Variants in CBLB observed in about 807,000 individuals in gnomAD.
CBLB encodes the protein E3 ubiquitin-protein ligase CBL-B.
A neutral mutation model predicts 104.9 loss-of-function variants in CBLB; 31 were observed. The ratio of observed to expected loss-of-function variants is 0.30; its 90% confidence interval spans 0.22 to 0.40. The LOEUF (loss-of-function observed/expected upper bound fraction) is 0.40. Ranked by LOEUF, CBLB falls within the 10% of genes least tolerant of loss-of-function variation. The probability of loss-of-function intolerance (pLI) is 1.00; values close to 1 mark genes in which losing one functional copy is unlikely to be tolerated. For synonymous variants in CBLB, 440 were observed against 422.6 expected, an observed-to-expected ratio of 1.04 and a Z score of -0.51; for missense variants, 1,062 against 1,214.6, an observed-to-expected ratio of 0.87 and a Z score of 1.87.
chr3:105,672,773 G>A (rs1213750532), intron 17 of CBLB: 1 of 152,012 alleles, frequency 6.6e-6, no homozygotes, highest in Non-Finnish European at 1.5e-5. Context: ...GTACTTATTT[G>A]AGAGATTATA....
At chr3:105,788,508 T>C (rs1247394231) in intron 3 of CBLB, among the ~76,000 whole-genome samples, 2 of 152,188 alleles carry the variant, frequency 1.3e-5, no homozygotes, top group East Asian at 3.8e-4. Flanking sequence ...TTGAGCTACA[T>C]TCAAAGCTGT....
At chr3:105,782,737 T>C (rs1325586488) in intron 3 of CBLB, among the ~76,000 whole-genome samples, 3 of 152,038 alleles carry the variant, frequency 2.0e-5, no homozygotes, top group African/African-American at 7.2e-5. Flanking sequence ...CACACCTGGC[T>C]AATTTTTGTA....
intron 1 of CBLB, 105 bp from the exon 2 acceptor site, chr3:105,867,696 T>C (rs2092506067): frequency 2.6e-5 from 24 of 939,612 alleles, no homozygotes; most frequent in Non-Finnish European, 3.5e-5. Flanking sequence ...CCTCCATCGA[T>C]TAGAGCAAAA....
intron 4 of CBLB, among the ~76,000 whole-genome samples, chr3:105,753,376 TAAAA>T (rs35630648): frequency 3.3e-4 from 50 of 151,036 alleles, no homozygotes; most frequent in Non-Finnish European, 5.2e-4. Context: ...CTGTTTTTTT[TAAAA>T]AAAAAAGGAA....
chr3:105,864,316 C>T (rs574600920), intron 2 of CBLB, among the ~76,000 whole-genome samples: 1 of 152,216 alleles, frequency 6.6e-6, no homozygotes, highest in South Asian at 2.1e-4. Context: ...TCCCCAGTAA[C>T]GAGCACTCAG....
chr3:105,804,234 T>C lies in CBLB; in HGVS notation c.420-27692A>G, dbSNP rs376665946. Among the ~76,000 whole-genome samples, 20 of 152,204 alleles carry C rather than the reference T, an allele frequency of 1.3e-4. No homozygotes were observed. The East Asian group carries it at 2.1e-3, about 16-fold the overall frequency. On this transcript the variant is annotated intron_variant, in intron 3 of 18. Transcript: ENST00000394030. ...CTGAATTTCAAATAGTTTAAAAAAATGTAAAGCCGGGCGTGGTGGCTCATG... is the reference window on the plus strand; with the variant it reads ...CTGAATTTCAAATAGTTTAAAAAAACGTAAAGCCGGGCGTGGTGGCTCATG...
Position 105,656,852 on chromosome 3 carries a change from G to A in CBLB, c.*2118C>T. On this transcript the variant is annotated 3_prime_UTR_variant, in exon 19 of 19. Transcript: ENST00000394030. ...ACCTATCATCAGCAATCATAAAAAG[G>A]CCAAAATAAACAGTGCTATTCCAAG... 1 of 207,616 alleles carries A rather than the reference G, an allele frequency of 4.8e-6. No individual in the cohort carries two copies. Among genetic ancestry groups the A allele is most frequent in the Admixed American group, 6.0e-5 (1 of 16,804 alleles). 12.9% of individuals were successfully genotyped at this position (207,616 alleles called of 1,614,324 possible). A position where few individuals can be genotyped will look rare whatever the true frequency, so the allele number is the denominator to read the frequency against.
In CBLB at chr3:105,678,471, G is replaced by GA; in HGVS notation, c.2528_2529insT (p.Arg844ProfsTer18). 6.2e-7 allele frequency: 1 copy of GA among 1,614,010 alleles called. No homozygotes were observed. The highest frequency in any genetic ancestry group is 8.5e-7 in the Non-Finnish European group (1 of 1,179,920). On this transcript the variant is annotated frameshift_variant, in exon 17 of 19. Coordinates refer to ENST00000394030, the MANE Select transcript of CBLB (RefSeq NM_170662.5). LOFTEE classifies it high-confidence loss of function. The stretch of plus-strand genomic sequence containing the variant: ...AAAGATCCTGTCCTGAGGATGGCCG[G>GA]CTACTGGAGCCAGGAGGTTTTGAAT...
chr3:105,788,592 C>G (rs1173877255), intron 3 of CBLB, among the ~76,000 whole-genome samples: 1 of 152,180 alleles, frequency 6.6e-6, no homozygotes, highest in Non-Finnish European at 1.5e-5. Flanking sequence ...ACCTCGGACA[C>G]TGACTTAACC....
intron 3 of CBLB, among the ~76,000 whole-genome samples, chr3:105,802,331 T>G (rs112002763): frequency 2.7e-4 from 41 of 152,332 alleles, no homozygotes; most frequent in African/African-American, 9.4e-4. Context: ...CTTGGCCTTA[T>G]GCAAAATCGC....
chr3:105,760,892 T>C lies in CBLB; in HGVS notation c.567-9274A>G, dbSNP rs142547174. On this transcript the variant is annotated intron_variant, in intron 4 of 18. Transcript: ENST00000394030. ...TAAAGATTAACAAAACAAAAACAAATCTATACAAGAAAAACAACTACTGCA... is the reference window on the plus strand; with the variant it reads ...TAAAGATTAACAAAACAAAAACAAACCTATACAAGAAAAACAACTACTGCA... Among the ~76,000 whole-genome samples the C allele has an allele frequency of 5.3e-5, 8 of 152,250 alleles. No individual in the cohort carries two copies. The East Asian group carries it at 1.5e-3, about 29-fold the overall frequency.
At chr3:105,840,010 TTA>T (rs1305396598) in intron 3 of CBLB, among the ~76,000 whole-genome samples, 1 of 152,164 alleles carries the variant, frequency 6.6e-6, no homozygotes, top group African/African-American at 2.4e-5. Context: ...ATGGAAATCT[TTA>T]GTTAAATGAA....
At chr3:105,741,740 C>G (rs1456247224) in intron 6 of CBLB, among the ~76,000 whole-genome samples, 12 of 152,022 alleles carry the variant, frequency 7.9e-5, no homozygotes, top group Non-Finnish European at 1.2e-4. Context: ...AGGATGGTCT[C>G]GATATCCTGA....
chr3:105,754,541 G>GAGAGAGAC (rs2076903971), intron 4 of CBLB, among the ~76,000 whole-genome samples: 1 of 140,920 alleles, frequency 7.1e-6, no homozygotes, highest in Non-Finnish European at 1.5e-5. Context: ...GAGAGAGAGA[G>GAGAGAGAC]AGAGAGAGAG....
At chr3:105,812,398 A>G (rs1217409181) in intron 3 of CBLB, among the ~76,000 whole-genome samples, 1 of 152,222 alleles carries the variant, frequency 6.6e-6, no homozygotes, top group Admixed American at 6.5e-5. Flanking sequence ...TAAAGGAAGG[A>G]ATAAAACTAA....
chr3:105,820,664 C>A (rs1162080623), intron 3 of CBLB, among the ~76,000 whole-genome samples: 1 of 152,036 alleles, frequency 6.6e-6, no homozygotes, highest in Non-Finnish European at 1.5e-5. Context: ...TAATTTTACA[C>A]AAACACCAGA....
At chr3:105,824,420 AG>A (rs1283128193) in intron 3 of CBLB, among the ~76,000 whole-genome samples, 3 of 152,128 alleles carry the variant, frequency 2.0e-5, no homozygotes, top group Admixed American at 2.0e-4. Flanking sequence ...CACCCAAGCA[AG>A]GCAACTTTAG....
At chr3:105,701,442 T>C (rs1368401950) in intron 12 of CBLB, among the ~76,000 whole-genome samples, 1 of 152,014 alleles carries the variant, frequency 6.6e-6, no homozygotes, top group Admixed American at 6.6e-5. Flanking sequence ...CTTGTAAAAA[T>C]TGGATGGAAC....
intron 2 of CBLB, among the ~76,000 whole-genome samples, chr3:105,859,803 T>C (rs1226171764): frequency 1.3e-5 from 2 of 152,008 alleles, no homozygotes; most frequent in African/African-American, 2.4e-5. Context: ...GTTCTTTCCA[T>C]TTTAATGCAG....
Sources: gnomAD v4.1 joint callset for allele counts (sites outside exome capture counted in the v4.1 genomes callset) on GRCh38, gnomAD v4.1.1 for gene constraint, MANE v1.5 for transcripts, NCBI Gene and HGNC (gene_info 2026-07-23, HGNC 2026-07-21) for gene names.